APPBP2: variants seen among roughly 807,000 people sequenced by gnomAD.
APPBP2 encodes amyloid protein-binding protein 2.
APPBP2 carries 15 observed loss-of-function variants against 76.0 expected under a neutral mutation model. That is an observed-to-expected ratio of 0.20 (90% confidence interval 0.13 to 0.30). The LOEUF (loss-of-function observed/expected upper bound fraction) is 0.30. APPBP2 is among the 10% of genes least tolerant of loss of function. The probability of loss-of-function intolerance (pLI) is 1.00; values close to 1 mark genes in which losing one functional copy is unlikely to be tolerated. For missense variants in APPBP2, 401 were observed against 687.2 expected (o/e 0.58, Z 4.66); for synonymous variants, 222 against 242.2 (o/e 0.92, Z 0.77).
intron 3 of APPBP2, among the ~76,000 whole-genome samples, chr17:60,489,259 A>G (rs1250956756): frequency 6.6e-6 from 1 of 151,080 alleles, no homozygotes. Flanking sequence ...CCTTTTCAAA[A>G]AAATATGCTC....
chr17:60,508,097 G>A (rs554546342), intron 1 of APPBP2, among the ~76,000 whole-genome samples: 33 of 151,720 alleles, frequency 2.2e-4, no homozygotes, highest in Non-Finnish European at 4.0e-4. Flanking sequence ...CTCAGCCTCC[G>A]GAGTAGCTGG....
At chr17:60,498,163 C>T (rs982086719) in intron 2 of APPBP2, among the ~76,000 whole-genome samples, 3 of 151,944 alleles carry the variant, frequency 2.0e-5, no homozygotes, top group Non-Finnish European at 4.4e-5. Context: ...CAATGAAAAG[C>T]CAGATCTGTA....
intron 1 of APPBP2, among the ~76,000 whole-genome samples, chr17:60,505,830 C>A (rs553361796): frequency 1.3e-5 from 2 of 151,514 alleles, no homozygotes; most frequent in African/African-American, 4.8e-5. Context: ...ATTACAGGCG[C>A]CCGCCACCAT....
chr17:60,477,800 CAAAAAA>C (rs1177773203), intron 4 of APPBP2, among the ~76,000 whole-genome samples: 1 of 66,844 alleles, frequency 1.5e-5, no homozygotes, highest in Non-Finnish European at 3.6e-5. Context: ...TCCAACTGGC[CAAAAAA>C]AAAAAAAAAA....
At chr17:60,512,691 C>T (rs913935919) in intron 1 of APPBP2, among the ~76,000 whole-genome samples, 31 of 151,400 alleles carry the variant, frequency 2.0e-4, no homozygotes, top group African/African-American at 5.3e-4. Context: ...AAAAAATAGT[C>T]GGGTGTGATG....
Position 60,451,067 on chromosome 17 carries a change from T to C in APPBP2, c.1504+813A>G, listed in dbSNP as rs536145426. 6.4e-4 allele frequency among the ~76,000 whole-genome samples: 98 copies of C among 152,360 alleles called. 3 individuals carry two copies. The South Asian group carries it at 0.02, about 32-fold the overall frequency. On this transcript the variant is annotated intron_variant, in intron 12 of 12. Coordinates refer to ENST00000083182, the MANE Select transcript of APPBP2 (RefSeq NM_006380.5). ...ATGGAAATCCAAATGTTCCAAATGT[T>C]CATTAATAGTGGAATGGATAAATGA...
chr17:60,487,735 T>C (rs2143409572), intron 3 of APPBP2, among the ~76,000 whole-genome samples: 1 of 152,378 alleles, frequency 6.6e-6, no homozygotes, highest in Non-Finnish European at 1.5e-5. Context: ...CTTTGTTCCA[T>C]TGCTGGCGAG....
At chr17:60,525,582 C>T (rs2091046541) in intron 1 of APPBP2, among the ~76,000 whole-genome samples, 1 of 152,184 alleles carries the variant, frequency 6.6e-6, no homozygotes, top group African/African-American at 2.4e-5. Flanking sequence ...GCAAGACTCC[C>T]CAAGATTACT....
intron 1 of APPBP2, among the ~76,000 whole-genome samples, chr17:60,515,407 C>T (rs897950407): frequency 1.8e-4 from 28 of 152,156 alleles, no homozygotes; most frequent in African/African-American, 6.0e-4. Context: ...TGAGCCACCA[C>T]GCCCAGCCTA....
intron 9 of APPBP2, among the ~76,000 whole-genome samples, chr17:60,456,930 G>C (rs1024099231): frequency 1.1e-4 from 17 of 152,054 alleles, no homozygotes; most frequent in Non-Finnish European, 2.4e-4. Flanking sequence ...GAGGTCAGGA[G>C]TTCGAGACAA....
At chr17:60,521,920 T>TA (rs1255475801) in intron 1 of APPBP2, among the ~76,000 whole-genome samples, 2 of 152,210 alleles carry the variant, frequency 1.3e-5, no homozygotes, top group Non-Finnish European at 2.9e-5. Flanking sequence ...AATACTGTGT[T>TA]ACAACTGCCT....
In APPBP2 at chr17:60,445,117, T is replaced by C. The variant is rs1048359986; in HGVS notation, c.*2464A>G. On this transcript the variant is annotated 3_prime_UTR_variant, in exon 13 of 13. Transcript: ENST00000083182. The stretch of plus-strand genomic sequence containing the variant: ...TATTCTTCATTAGAACCAGAAATAA[T>C]AGCACATTAAGTCATATCCCTAACC... 13 of 152,196 alleles carry C rather than the reference T, an allele frequency of 8.5e-5. No homozygotes were observed. The highest frequency in any genetic ancestry group is 3.1e-4 in the African/African-American group (13 of 41,424). 9.4% of individuals were successfully genotyped at this position (152,196 alleles called of 1,614,324 possible).
At chr17:60,475,211 C>G (rs1429182811) in intron 4 of APPBP2, among the ~76,000 whole-genome samples, 2 of 152,086 alleles carry the variant, frequency 1.3e-5, no homozygotes. Flanking sequence ...GCCTGGGCGA[C>G]AGAGACTCCA....
intron 4 of APPBP2, among the ~76,000 whole-genome samples, chr17:60,478,847 T>C (rs773196474): frequency 6.6e-6 from 1 of 152,104 alleles, no homozygotes; most frequent in Non-Finnish European, 1.5e-5. Flanking sequence ...GAGGTGGAGG[T>C]TGCAGTGAGC....
intron 4 of APPBP2, among the ~76,000 whole-genome samples, chr17:60,473,475 A>G (rs932676801): frequency 1.3e-5 from 2 of 152,178 alleles, no homozygotes; most frequent in Non-Finnish European, 2.9e-5. Flanking sequence ...GCCAACTCAT[A>G]TATATCAAGT....
chr17:60,450,598 TG>T (rs1168020951), intron 12 of APPBP2, among the ~76,000 whole-genome samples: 1 of 149,676 alleles, frequency 6.7e-6, no homozygotes, highest in Non-Finnish European at 1.5e-5. Flanking sequence ...TGTGAGACCT[TG>T]TCCCTATTGA....
intron 1 of APPBP2, among the ~76,000 whole-genome samples, chr17:60,520,994 G>A (rs1222751880): frequency 6.6e-6 from 1 of 152,096 alleles, no homozygotes; most frequent in African/African-American, 2.4e-5. Flanking sequence ...AGGCACGACC[G>A]CAGCTAGCAC....
chr17:60,502,042 T>C (rs925565619), intron 1 of APPBP2, among the ~76,000 whole-genome samples: 1 of 152,126 alleles, frequency 6.6e-6, no homozygotes, highest in Non-Finnish European at 1.5e-5. Flanking sequence ...CAAGAAAGAT[T>C]TGTTATTTTT....
rs983115515 is a variant in APPBP2 at position 60,505,522 on chromosome 17, A to G, written c.139-5035T>C. Among the ~76,000 whole-genome samples the G allele has an allele frequency of 4.0e-5, 6 of 151,136 alleles. No homozygotes were observed. In the East Asian group the frequency reaches 6.0e-4, roughly 15 times the overall value. ...AGTAGAGACGGGGCTTCACGGTGTT[A>G]GCCAGGATAGTTTCGATCTCCTGAC... On this transcript the variant is annotated intron_variant, in intron 1 of 12. Transcript: ENST00000083182.
Sources: allele counts gnomAD v4.1 joint callset (sites outside exome capture counted in the v4.1 genomes callset), GRCh38; gene constraint gnomAD v4.1.1; transcripts MANE v1.5; gene names NCBI Gene and HGNC (gene_info 2026-07-23, HGNC 2026-07-21).